UGT1A5: variants seen among roughly 807,000 people sequenced by gnomAD.
The protein encoded by UGT1A5 is UDP-glucuronosyltransferase 1A5.
Under a neutral mutation model 40.3 loss-of-function variants are expected in UGT1A5, and 29 were observed. The observed-to-expected ratio is 0.72, with a 90% CI of 0.54 to 0.98. The LOEUF (loss-of-function observed/expected upper bound fraction) is 0.98. Ranked by LOEUF, UGT1A5 falls within the 50% of genes least tolerant of loss-of-function variation. UGT1A5 has a pLI of 0.00. For missense variants in UGT1A5, 678 were observed against 677.9 expected, an observed-to-expected ratio of 1.00 and a Z score of 0.00; for synonymous variants, 257 against 262.5, an observed-to-expected ratio of 0.98 and a Z score of 0.20.
At chr2:233,724,968 T>G (rs1288341370) in intron 1 of UGT1A5, among the ~76,000 whole-genome samples, 5 of 135,284 alleles carry the variant, frequency 3.7e-5, no homozygotes, top group Non-Finnish European at 8.0e-5. Context: ...AGGCCGAGGT[T>G]GGCGGATCAC....
intron 1 of UGT1A5, among the ~76,000 whole-genome samples, chr2:233,742,222 G>C (rs1373280517): frequency 2.0e-5 from 3 of 151,942 alleles, no homozygotes; most frequent in Non-Finnish European, 4.4e-5. Context: ...TCAGGGCTGA[G>C]AGCCCCAAAC....
intron 1 of UGT1A5, among the ~76,000 whole-genome samples, chr2:233,724,278 G>C (rs1355966734): frequency 3.9e-5 from 5 of 129,306 alleles, no homozygotes; most frequent in East Asian, 2.5e-4. Flanking sequence ...GCGGCTGGCC[G>C]GGCGGGGGGC....
At chr2:233,743,505 A>G (rs761358710) in intron 1 of UGT1A5, 1 of 1,367,266 alleles carries the variant, frequency 7.3e-7, no homozygotes, top group Non-Finnish European at 9.8e-7. Context: ...AAAGGGGTGC[A>G]GACGCTCTGC....
chr2:233,738,354 G>C (rs1033187922), intron 1 of UGT1A5, among the ~76,000 whole-genome samples: 1 of 152,188 alleles, frequency 6.6e-6, no homozygotes, highest in Non-Finnish European at 1.5e-5. Flanking sequence ...CATGGAGAGT[G>C]GGGTACTGCT....
chr2:233,721,383 C>T (rs2076941524), intron 1 of UGT1A5: 1 of 152,770 alleles, frequency 6.5e-6, no homozygotes, highest in South Asian at 2.1e-4. Context: ...TCTTCACTCT[C>T]ATTTTTCTAG....
At chr2:233,747,089 AC>A in intron 1 of UGT1A5, 1 of 1,215,556 alleles carries the variant, frequency 8.2e-7, no homozygotes, top group Non-Finnish European at 1.1e-6. Context: ...GGAGGAGAGC[AC>A]TCTATCTTCC....
At chr2:233,719,425 C>G in intron 1 of UGT1A5, 1 of 1,613,998 alleles carries the variant, frequency 6.2e-7, no homozygotes, top group Non-Finnish European at 8.5e-7. Context: ...ACGACCAATT[C>G]AGACCACATG....
intron 1 of UGT1A5, among the ~76,000 whole-genome samples, chr2:233,739,789 G>C (rs1409404802): frequency 6.6e-6 from 1 of 152,118 alleles, no homozygotes; most frequent in African/African-American, 2.4e-5. Context: ...AGACTTTGGA[G>C]GACAGTTGGG....
chr2:233,732,686 C>A (rs1472057155), intron 1 of UGT1A5, among the ~76,000 whole-genome samples: 1 of 151,722 alleles, frequency 6.6e-6, no homozygotes, highest in African/African-American at 2.4e-5. Flanking sequence ...GGTACCAGCA[C>A]CCATGCTGTT....
intron 1 of UGT1A5, among the ~76,000 whole-genome samples, chr2:233,751,390 T>C (rs1694715648): frequency 6.6e-6 from 1 of 152,170 alleles, no homozygotes; most frequent in Non-Finnish European, 1.5e-5. Flanking sequence ...TTGTCTCAGA[T>C]AAGACTTTGG....
intron 1 of UGT1A5, among the ~76,000 whole-genome samples, chr2:233,725,678 A>C (rs28899189): frequency 0.068 from 10,401 of 152,238 alleles, 505 homozygotes; most frequent in East Asian, 0.2. Flanking sequence ...GTCACATTTC[A>C]AGTGCTCAAT....
At chr2:233,743,983 G>A (rs1033622103) in intron 1 of UGT1A5, 34 of 1,288,222 alleles carry the variant, frequency 2.6e-5, no homozygotes, top group Middle Eastern at 4.7e-4. Flanking sequence ...GCACCCAGGC[G>A]CAGGCCCGAG....
At chr2:233,741,540 A>G (rs1267633349) in intron 1 of UGT1A5, 14 of 152,000 alleles carry the variant, frequency 9.2e-5, no homozygotes. Context: ...TTATTCTGAT[A>G]CTTCTTTTAT....
At position 233,743,856 on chromosome 2, in the gene UGT1A5, T is replaced by C. The variant is rs764670005; in HGVS notation, c.868-23178T>C. The stretch of plus-strand genomic sequence containing the variant: ...TTGAGCGCCAGCTTGCGGTACGCCT[T>C]CTTGATGGCCTCGGATGAGGCCTGC... On this transcript the variant is annotated intron_variant, in intron 1 of 4. Transcript: ENST00000373414. The C allele has an allele frequency of 2.9e-6, 4 of 1,367,240 alleles. No homozygotes were observed. The East Asian group carries it at 1.4e-4, about 47-fold the overall frequency. The allele number at this position is 1,367,240 out of a possible 1,614,324, so 84.7% of individuals were successfully genotyped here.
At chr2:233,736,409 A>C (rs752558952) in intron 1 of UGT1A5, among the ~76,000 whole-genome samples, 1 of 152,180 alleles carries the variant, frequency 6.6e-6, no homozygotes, top group Non-Finnish European at 1.5e-5. Context: ...TTAGGCATTC[A>C]TCTAACCTTT....
chr2:233,758,772 T>G lies in UGT1A5; in HGVS notation c.868-8262T>G, dbSNP rs34118072. Reference sequence around the variant, plus strand: ...GCCAGTGATGTGTATGGTTCAAATGTTGGGATCTGTGCAGTTATCTTGGAA... The same window carrying G: ...GCCAGTGATGTGTATGGTTCAAATGGTGGGATCTGTGCAGTTATCTTGGAA... On this transcript the variant is annotated intron_variant, in intron 1 of 4. Coordinates refer to ENST00000373414, the MANE Select transcript of UGT1A5 (RefSeq NM_019078.2). Among the ~76,000 whole-genome samples, 852 of 152,332 alleles carry G rather than the reference T, an allele frequency of 5.6e-3. 11 individuals carry two copies. The highest frequency in any genetic ancestry group is 0.02 in the African/African-American group (820 of 41,568).
chr2:233,765,884 C>T (rs1054179790), intron 1 of UGT1A5, among the ~76,000 whole-genome samples: 2 of 152,082 alleles, frequency 1.3e-5, no homozygotes, highest in African/African-American at 4.8e-5. Context: ...CTCACTTTCT[C>T]AGTGCGCCAC....
Position 233,746,118 on chromosome 2 carries a change from A to C in UGT1A5, c.868-20916A>C, listed in dbSNP as rs544937305. On this transcript the variant is annotated intron_variant, in intron 1 of 4. Transcript: ENST00000373414. ...CATGTCCAGAGTGCTTACTGTCTGC[A>C]AAACTGTGGACTGGCACCTGAGTGA... 3.3e-4 allele frequency among the ~76,000 whole-genome samples: 50 copies of C among 151,986 alleles called. 2 individuals carry two copies. Among genetic ancestry groups the C allele is most frequent in the African/African-American group, 1.1e-3 (46 of 41,248 alleles).
rs904896556 is a variant in UGT1A5, at chr2:233,757,560, A to ATATATATG, written c.868-9473_868-9472insATATATGT. On this transcript the variant is annotated intron_variant, in intron 1 of 4. Coordinates refer to ENST00000373414, the MANE Select transcript of UGT1A5 (RefSeq NM_019078.2). ...AATATATATATATATATATATATAT[A>ATATATATG]TGTATATATGATATAGCTATAGTCT... is the stretch of plus-strand genomic sequence containing the variant. 5.4e-4 allele frequency among the ~76,000 whole-genome samples: 66 copies of ATATATATG among 123,154 alleles called. 2 individuals are homozygous for ATATATATG. Among genetic ancestry groups the ATATATATG allele is most frequent in the African/African-American group, 2.2e-3 (65 of 29,360 alleles). The allele number at this position is 123,154 out of a possible 152,430, so 80.8% of individuals were successfully genotyped here. A position where few individuals can be genotyped will look rare whatever the true frequency, so the allele number is the denominator to read the frequency against.
Sources: allele counts gnomAD v4.1 joint callset (sites outside exome capture counted in the v4.1 genomes callset), GRCh38; gene constraint gnomAD v4.1.1; transcripts MANE v1.5; gene names NCBI Gene and HGNC (gene_info 2026-07-23, HGNC 2026-07-21).